SORBS2: variants seen among roughly 807,000 people sequenced by gnomAD.
The protein encoded by SORBS2 is sorbin and SH3 domain containing 2.
A neutral mutation model predicts 97.7 loss-of-function variants in SORBS2; 46 were observed. The observed-to-expected ratio is 0.47, with a 90% CI of 0.37 to 0.60. The LOEUF is 0.60. SORBS2 is among the 20% of genes least tolerant of loss of function. SORBS2 has a pLI of 0.00. For missense variants in SORBS2, 1,316 were observed against 1,282.3 expected, an observed-to-expected ratio of 1.03 and a Z score of -0.40; for synonymous variants, 476 against 473.4, an observed-to-expected ratio of 1.01 and a Z score of -0.07.
At chr4:185,786,390 A>G (rs935716559) in intron 1 of SORBS2, among the ~76,000 whole-genome samples, 3 of 152,246 alleles carry the variant, frequency 2.0e-5, no homozygotes, top group Admixed American at 2.0e-4. Flanking sequence ...AGGCCCTGTG[A>G]GAGTCTATCA....
At chr4:185,703,431 AC>A (rs1439344743) in intron 2 of SORBS2, among the ~76,000 whole-genome samples, 1 of 152,168 alleles carries the variant, frequency 6.6e-6, no homozygotes, top group Non-Finnish European at 1.5e-5. Context: ...TCCAAATATT[AC>A]GTTTTTGCAT....
intron 2 of SORBS2, among the ~76,000 whole-genome samples, chr4:185,694,723 T>TTTTTTTTTTTA (rs1489055314): frequency 6.8e-6 from 1 of 147,472 alleles, no homozygotes; most frequent in Non-Finnish European, 1.5e-5. Context: ...TTTCTTTTTT[T>TTTTTTTTTTTA]TGAGACGGAG....
At chr4:185,671,669 A>G (rs997123973) in intron 4 of SORBS2, among the ~76,000 whole-genome samples, 1 of 152,196 alleles carries the variant, frequency 6.6e-6, no homozygotes, top group Non-Finnish European at 1.5e-5. Flanking sequence ...CAGGGTAGGG[A>G]AGAGAAGGAT....
intron 13 of SORBS2, 35 bp from the exon 26 acceptor site, chr4:185,589,820 C>A (rs1340378273): frequency 3.7e-6 from 4 of 1,071,956 alleles, no homozygotes; most frequent in Non-Finnish European, 5.8e-6. Flanking sequence ...TTAAAAACAT[C>A]TTGACACCTT....
At chr4:185,646,846 C>G in intron 3 of SORBS2, 64 bp from the exon 13 acceptor site, 1 of 939,798 alleles carries the variant, frequency 1.1e-6, no homozygotes, top group Non-Finnish European at 1.7e-6. Flanking sequence ...TTGTGTAAAA[C>G]CAGTTATCTG....
Position 185,806,434 on chromosome 4 carries a change from C to CTGTTTTTTTTTTTT in SORBS2, c.-337-31069_-337-31068insAAAAAAAAAAAACA, listed in dbSNP as rs2099153884. On this transcript the variant is annotated intron_variant, in intron 1 of 20. Coordinates refer to the SORBS2 transcript ENST00000284776. ...AGTGGCACAGCTCTTGGCTAGAATC[C>CTGTTTTTTTTTTTT]TATTTTTTTTTTTTTTTTTTTTTTT... Among the ~76,000 whole-genome samples the CTGTTTTTTTTTTTT allele has an allele frequency of 3.4e-4, 37 of 108,150 alleles. 16 individuals carry two copies. Among genetic ancestry groups the CTGTTTTTTTTTTTT allele is most frequent in the African/African-American group, 1.1e-3 (31 of 27,296 alleles). 71.0% of individuals were successfully genotyped at this position (108,150 alleles called of 152,430 possible).
At chr4:185,817,626 C>T (rs961924283) in intron 1 of SORBS2, among the ~76,000 whole-genome samples, 7 of 152,232 alleles carry the variant, frequency 4.6e-5, no homozygotes, top group African/African-American at 1.7e-4. Context: ...AAGCACTGGG[C>T]TCTGCCGTCA....
rs144458515 is a variant in SORBS2, at chr4:185,712,797, G to T, written c.-197-33975C>A. ...TCCCTCCTGTGAGGAGTTGAGAGGG[G>T]CAGGCTGAGTAAATGAGGCACCCCC... On this transcript the variant is annotated intron_variant, in intron 2 of 20. Transcript: ENST00000284776. Among the ~76,000 whole-genome samples, 94 of 152,310 alleles carry T rather than the reference G, an allele frequency of 6.2e-4. No homozygotes were observed. In the Middle Eastern group the frequency reaches 0.01, roughly 17 times the overall value.
In SORBS2 at chr4:185,842,234, G is replaced by A. The variant is rs568793259; in HGVS notation, c.-337-66868C>T. ...GAAAATCTTACTAAGGAGGCCACAT[G>A]TGAGCCTAAATGACCTAAGTGTCCA... is the stretch of plus-strand genomic sequence containing the variant. On this transcript the variant is annotated intron_variant, in intron 1 of 20. Coordinates refer to the SORBS2 transcript ENST00000284776. Among the ~76,000 whole-genome samples the A allele has an allele frequency of 9.2e-5, 14 of 152,344 alleles. No homozygotes were observed. In the East Asian group the frequency reaches 2.3e-3, roughly 25 times the overall value.
At chr4:185,652,860 C>G (rs955716647) in intron 1 of SORBS2, 132 bp from the exon 10 acceptor site, 1 of 714,436 alleles carries the variant, frequency 1.4e-6, no homozygotes, top group Non-Finnish European at 2.5e-6. Context: ...TGACTCTTTG[C>G]TATGGCTTCA....
rs370434111 is a variant in SORBS2 at position 185,934,146 on chromosome 4, T to C, written c.-338+22050A>G. Among the ~76,000 whole-genome samples, 15 of 152,242 alleles carry C rather than the reference T, an allele frequency of 9.9e-5. No individual in the cohort carries two copies. The East Asian group carries it at 1.3e-3, about 14-fold the overall frequency. On this transcript the variant is annotated intron_variant, in intron 1 of 20. Coordinates refer to the SORBS2 transcript ENST00000284776. ...TGACTGATTTCTCTTTTAACCCTCA[T>C]GTCTTTTCCCGCATGCCATTGTTGG...
At chr4:185,616,807 G>A (rs984168985) in intron 9 of SORBS2, among the ~76,000 whole-genome samples, 7 of 152,092 alleles carry the variant, frequency 4.6e-5, no homozygotes, top group Non-Finnish European at 1.0e-4. Context: ...GGAGTGCAGT[G>A]GTGTGATCTT....
intron 12 of SORBS2, among the ~76,000 whole-genome samples, chr4:185,596,784 T>C (rs973701057): frequency 1.3e-5 from 2 of 152,106 alleles, no homozygotes; most frequent in East Asian, 1.9e-4. Flanking sequence ...CTTCCCGCCT[T>C]GGCCTCCTAA....
intron 1 of SORBS2, among the ~76,000 whole-genome samples, chr4:185,936,811 C>T (rs953916803): frequency 4.6e-5 from 7 of 152,210 alleles, no homozygotes; most frequent in Non-Finnish European, 1.0e-4. Flanking sequence ...TCTCCTTTCA[C>T]CTCCCACACT....
At chr4:185,952,755 C>T (rs1327604277) in intron 1 of SORBS2, among the ~76,000 whole-genome samples, 1 of 151,846 alleles carries the variant, frequency 6.6e-6, no homozygotes, top group Non-Finnish European at 1.5e-5. Context: ...CTCTTCCTGG[C>T]AAAAAATAAA....
Position 185,928,357 on chromosome 4 carries a change from C to T in SORBS2, c.-338+27839G>A, listed in dbSNP as rs118148949. Among the ~76,000 whole-genome samples the T allele has an allele frequency of 6.6e-4, 101 of 152,104 alleles. 1 individual carries two copies. The East Asian group carries it at 0.018, about 27-fold the overall frequency. Reference sequence around the variant, plus strand: ...AGTCTGAGGCTGCAGTGAGCTATGACCCTGTTGTTGCACTCCAGCCTGAGT... The same window carrying T: ...AGTCTGAGGCTGCAGTGAGCTATGATCCTGTTGTTGCACTCCAGCCTGAGT... On this transcript the variant is annotated intron_variant, in intron 1 of 20. Coordinates refer to the SORBS2 transcript ENST00000284776.
intron 4 of SORBS2, among the ~76,000 whole-genome samples, chr4:185,671,813 G>T (rs537855401): frequency 6.6e-6 from 1 of 152,160 alleles, no homozygotes; most frequent in Non-Finnish European, 1.5e-5. Flanking sequence ...TCTCAGAAAT[G>T]GCCAAGCACT....
intron 4 of SORBS2, chr4:185,677,033 T>G: frequency 1.3e-6 from 2 of 1,551,208 alleles, no homozygotes; most frequent in South Asian, 2.4e-5. Context: ...CCGCTGCAAC[T>G]GCAGATTTTT....
chr4:185,751,190 A>AAAAAAAAAAAAAAAAAAAAAAAAAAAG lies in SORBS2; in HGVS notation c.-198+24036_-198+24037insCTTTTTTTTTTTTTTTTTTTTTTTTTT. On this transcript the variant is annotated intron_variant, in intron 2 of 20. Transcript: ENST00000284776. ...TAAATACTAAAAAAAAAAAAAAAAA[A>AAAAAAAAAAAAAAAAAAAAAAAAAAAG]AGAGAAAGAGAGAGAAATTCAGGAA... is the stretch of plus-strand genomic sequence containing the variant. 2.2e-3 allele frequency among the ~76,000 whole-genome samples: 186 copies of AAAAAAAAAAAAAAAAAAAAAAAAAAAG among 86,438 alleles called. 49 individuals are homozygous for AAAAAAAAAAAAAAAAAAAAAAAAAAAG. Among genetic ancestry groups the AAAAAAAAAAAAAAAAAAAAAAAAAAAG allele is most frequent in the Non-Finnish European group, 3.1e-3 (121 of 39,652 alleles). The allele number at this position is 86,438 out of a possible 152,430, so 56.7% of individuals were successfully genotyped here. A position where few individuals can be genotyped will look rare whatever the true frequency, so the allele number is the denominator to read the frequency against.
Sources: gnomAD v4.1 joint callset for allele counts (sites outside exome capture counted in the v4.1 genomes callset) on GRCh38, gnomAD v4.1.1 for gene constraint, MANE v1.5 for transcripts, NCBI Gene and HGNC (gene_info 2026-07-23, HGNC 2026-07-21) for gene names.